TECPR2: variants seen among roughly 807,000 people sequenced by gnomAD.
The protein encoded by TECPR2 is tectonin beta-propeller repeat containing 2, also known as tectonin beta-propeller repeat-containing protein 2.
A neutral mutation model predicts 138.1 loss-of-function variants in TECPR2; 65 were observed. The ratio of observed to expected loss-of-function variants is 0.47; its 90% CI spans 0.39 to 0.58. TECPR2 has a LOEUF of 0.58. TECPR2 is among the 20% of genes least tolerant of loss of function. The pLI is 0.00. For synonymous variants in TECPR2, 746 were observed against 749.8 expected (o/e 0.99, Z 0.08); for missense variants, 1,553 against 1,824.5 (o/e 0.85, Z 2.71).
At chr14:102,465,939 T>C (rs944586466) in intron 17 of TECPR2, among the ~76,000 whole-genome samples, 1 of 152,158 alleles carries the variant, frequency 6.6e-6, no homozygotes, top group African/African-American at 2.4e-5. Context: ...GCTGTGGTTT[T>C]TTGAGACTTA....
rs1891424824 is a variant in TECPR2, at chr14:102,501,035, G to C, written c.*2778G>C. 1 of 152,326 alleles carries C rather than the reference G, an allele frequency of 6.6e-6. No homozygotes were observed. Among genetic ancestry groups the C allele is most frequent in the African/African-American group, 2.4e-5 (1 of 41,460 alleles). 9.4% of individuals were successfully genotyped at this position (152,326 alleles called of 1,614,324 possible). On this transcript the variant is annotated 3_prime_UTR_variant, in exon 20 of 20. Coordinates refer to ENST00000359520, the MANE Select transcript of TECPR2 (RefSeq NM_014844.5). ...ACTCCTGGGAAGAAGAAACGGGTGA[G>C]AACTGCTAAGTGATGACAGGTGGAG...
At position 102,465,250 on chromosome 14, in the gene TECPR2, C is replaced by A. The variant is rs767100178; in HGVS notation, c.3750C>A (p.Leu1250=). The A allele has an allele frequency of 6.2e-7, 1 of 1,614,100 alleles. No homozygotes were observed. Among genetic ancestry groups the A allele is most frequent in the Admixed American group, 1.7e-5 (1 of 60,008 alleles). ...RVGTQPLNPS[L]MLPAWIMIEP... ...GGACTCAGCCTCTCAATCCCAGTCTCATGCTTCCAGCCTGGATAATGATTG... is the reference window on the plus strand; with the variant it reads ...GGACTCAGCCTCTCAATCCCAGTCTAATGCTTCCAGCCTGGATAATGATTG... Residue 1250 remains leucine (L), a synonymous_variant, in exon 17 of 20, where the codon CTC becomes CTA. Coordinates refer to ENST00000359520, the MANE Select transcript of TECPR2 (RefSeq NM_014844.5).
chr14:102,431,963 A>G lies in TECPR2; in HGVS notation c.1252A>G (p.Ser418Gly). The G allele has an allele frequency of 6.2e-6, 10 of 1,613,054 alleles. No homozygotes were observed. Among genetic ancestry groups the G allele is most frequent in the Non-Finnish European group, 8.5e-6 (10 of 1,179,814 alleles). The part of the protein sequence containing the change: ...SRSSSLNSTD[S>G]GSGLLPPGLQ... ...GAGCAGCTCGCTCAACTCCACCGAC[A>G]GCGGCTCCGGGCTCCTGCCCCCTGG... The change falls in exon 8 of 20, where the codon AGC (serine) becomes GGC (glycine). Residue 418 changes from serine to glycine, a missense_variant. By Grantham distance (56) the Ser-to-Gly change is moderately conservative (BLOSUM62 0). Transcript: ENST00000359520.
At chr14:102,410,701 C>A (rs1260595698) in intron 4 of TECPR2, among the ~76,000 whole-genome samples, 1 of 152,138 alleles carries the variant, frequency 6.6e-6, no homozygotes, top group African/African-American at 2.4e-5. Flanking sequence ...TGTGCCCCCC[C>A]TCAAAAAAAA....
At chr14:102,490,731 A>G (rs893114094) in intron 17 of TECPR2, among the ~76,000 whole-genome samples, 23 of 152,112 alleles carry the variant, frequency 1.5e-4, no homozygotes, top group African/African-American at 5.1e-4. Flanking sequence ...AACCTGTTCC[A>G]TCGGCCTCTT....
At chr14:102,459,613 T>C (rs1251892791) in intron 16 of TECPR2, among the ~76,000 whole-genome samples, 1 of 152,070 alleles carries the variant, frequency 6.6e-6, no homozygotes, top group Non-Finnish European at 1.5e-5. Context: ...CTACTAAAAA[T>C]ACAAAAATTA....
chr14:102,397,715 C>T lies in TECPR2; in HGVS notation c.220-9623C>T, dbSNP rs141146879. On this transcript the variant is annotated intron_variant, in intron 2 of 19. Coordinates refer to ENST00000359520, the MANE Select transcript of TECPR2 (RefSeq NM_014844.5). ...TGAGCCGAGATTGTGCCATTGCACT[C>T]CAGCCTGGGTAACAGAGTGAGACTC... Among the ~76,000 whole-genome samples the T allele has an allele frequency of 1.2e-3, 183 of 151,914 alleles. 1 individual carries two copies. Among genetic ancestry groups the T allele is most frequent in the African/African-American group, 4.2e-3 (176 of 41,414 alleles).
chr14:102,468,340 G>A (rs143524638), intron 17 of TECPR2, among the ~76,000 whole-genome samples: 2,204 of 151,560 alleles, frequency 0.015, 22 homozygotes, highest in Non-Finnish European at 0.021. Context: ...GGCATGCACC[G>A]CCATGCCTGG....
At chr14:102,461,816 A>C (rs1890418346) in intron 16 of TECPR2, among the ~76,000 whole-genome samples, 2 of 151,948 alleles carry the variant, frequency 1.3e-5, no homozygotes, top group Non-Finnish European at 2.9e-5. Context: ...ACTCTAAGGG[A>C]ATGTGAGGGA....
intron 2 of TECPR2, among the ~76,000 whole-genome samples, chr14:102,383,286 G>A (rs1887888145): frequency 6.6e-6 from 1 of 152,128 alleles, no homozygotes; most frequent in Non-Finnish European, 1.5e-5. Flanking sequence ...AGTAACCTCT[G>A]GCAGTAAGGT....
intron 1 of TECPR2, among the ~76,000 whole-genome samples, chr14:102,368,298 C>T (rs1011909849): frequency 4.6e-5 from 7 of 152,046 alleles, no homozygotes; most frequent in Non-Finnish European, 7.4e-5. Flanking sequence ...TGTGAGCCAC[C>T]GTGCCTGGCC....
At chr14:102,489,534 G>C (rs1024396258) in intron 17 of TECPR2, among the ~76,000 whole-genome samples, 26 of 151,856 alleles carry the variant, frequency 1.7e-4, no homozygotes, top group African/African-American at 6.0e-4. Context: ...GTGAAACCTT[G>C]TCTCTACTAA....
chr14:102,440,301 T>C (rs1889794021), intron 10 of TECPR2, 135 bp from the exon 11 acceptor site: 2 of 1,269,412 alleles, frequency 1.6e-6, no homozygotes, highest in East Asian at 2.4e-5. Context: ...TCTGGTGGCC[T>C]CTTTCCCCAC....
At position 102,415,677 on chromosome 14, in the gene TECPR2, C is replaced by A. The variant is rs1299417355; in HGVS notation, c.638+884C>A. Among the ~76,000 whole-genome samples the A allele has an allele frequency of 6.6e-6, 1 of 152,136 alleles. No homozygotes were observed. The highest frequency in any genetic ancestry group is 1.5e-5 in the Non-Finnish European group (1 of 68,030). Reference sequence around the variant, plus strand: ...AGCAGAGGGCGGCATTAGTACAGATCATGCGTTGATGAGTCTACAGTCATG... The same window carrying A: ...AGCAGAGGGCGGCATTAGTACAGATAATGCGTTGATGAGTCTACAGTCATG... On this transcript the variant is annotated intron_variant, in intron 5 of 19. Transcript: ENST00000359520. This position sits in a 1 kb window ranked among gnomAD's most constrained non-coding sequence, Gnocchi z 4.3.
chr14:102,439,012 C>T (rs1490108102), intron 10 of TECPR2, among the ~76,000 whole-genome samples: 1 of 152,028 alleles, frequency 6.6e-6, no homozygotes, highest in African/African-American at 2.4e-5. Flanking sequence ...CAGGCACCCG[C>T]CACCACGCCC....
chr14:102,408,093 C>T (rs998904996), intron 3 of TECPR2, among the ~76,000 whole-genome samples: 6 of 151,622 alleles, frequency 4.0e-5, no homozygotes, highest in South Asian at 2.1e-4. Flanking sequence ...CACTTGAACC[C>T]GGGAGGCAGA....
intron 11 of TECPR2, among the ~76,000 whole-genome samples, chr14:102,441,132 T>C (rs561431321): frequency 1.7e-4 from 26 of 152,318 alleles, no homozygotes; most frequent in African/African-American, 5.5e-4. Context: ...TGGTGCCATC[T>C]TGACTCACTG....
In TECPR2 at chr14:102,499,190, A is replaced by C. The variant is rs1324080670; in HGVS notation, c.*933A>C. On this transcript the variant is annotated 3_prime_UTR_variant, in exon 20 of 20. Coordinates refer to ENST00000359520, the MANE Select transcript of TECPR2 (RefSeq NM_014844.5). ...AGGTAGGGACGGCACAGGAGGGTGC[A>C]TGGGGCGTGGGGGAGCTGAGCAAGG... is the stretch of plus-strand genomic sequence containing the variant. The C allele has an allele frequency of 2.0e-5, 14 of 702,142 alleles. No individual in the cohort carries two copies. The highest frequency in any genetic ancestry group is 3.6e-5 in the Non-Finnish European group (14 of 384,412). 43.5% of individuals were successfully genotyped at this position (702,142 alleles called of 1,614,324 possible).
chr14:102,497,984 C>T, intron 19 of TECPR2, 119 bp from the exon 20 acceptor site: 1 of 1,380,426 alleles, frequency 7.2e-7, no homozygotes, highest in South Asian at 1.4e-5. Context: ...GTGGCTTGTC[C>T]AGTGTCCCCC....
Sources: gnomAD v4.1 joint callset for allele counts (sites outside exome capture counted in the v4.1 genomes callset) on GRCh38, gnomAD v4.1.1 for gene constraint, Gnocchi (gnomAD v3.1) non-coding constraint, MANE v1.5 for transcripts, NCBI Gene and HGNC (gene_info 2026-07-23, HGNC 2026-07-21) for gene names.